Variants in ACBD6 observed in about 807,000 individuals in gnomAD.
ACBD6 encodes the protein acyl-CoA-binding domain-containing protein 6.
A neutral mutation model predicts 37.2 loss-of-function variants in ACBD6; 28 were observed. That is an observed-to-expected ratio of 0.75 (90% confidence interval 0.56 to 1.03). The LOEUF (loss-of-function observed/expected upper bound fraction) is 1.03, where lower values mean the gene tolerates loss of function less well. Ranked by LOEUF, ACBD6 falls within the 50% of genes least tolerant of loss-of-function variation. ACBD6 has a pLI of 0.00. For synonymous variants in ACBD6, 113 were observed against 126.8 expected (o/e 0.89, Z 0.73); for missense variants, 340 against 337.4 (o/e 1.01, Z -0.06).
At chr1:180,339,674 A>G (rs1651898826) in intron 6 of ACBD6, among the ~76,000 whole-genome samples, 1 of 152,210 alleles carries the variant, frequency 6.6e-6, no homozygotes, top group Non-Finnish European at 1.5e-5. Flanking sequence ...TAAAACTTAA[A>G]GTATAATTAA....
intron 6 of ACBD6, among the ~76,000 whole-genome samples, chr1:180,353,807 C>G: frequency 2.7e-5 from 1 of 37,256 alleles, no homozygotes; most frequent in Non-Finnish European, 5.7e-5. Flanking sequence ...AAAAAAAAAG[C>G]CCAGCAAAGA....
intron 7 of ACBD6, among the ~76,000 whole-genome samples, chr1:180,306,495 T>C (rs1220090699): frequency 6.6e-6 from 1 of 152,188 alleles, no homozygotes; most frequent in African/African-American, 2.4e-5. Context: ...AAGGTAATCA[T>C]TATCCCCTTT....
chr1:180,312,859 T>C (rs1190525344), intron 7 of ACBD6, among the ~76,000 whole-genome samples: 4 of 152,214 alleles, frequency 2.6e-5, no homozygotes, highest in Admixed American at 1.3e-4. Flanking sequence ...TATTTCATCA[T>C]GAGTAAACTG....
chr1:180,467,472 A>AC (rs1553214784), intron 3 of ACBD6, among the ~76,000 whole-genome samples: 3,962 of 114,230 alleles, frequency 0.035, 381 homozygotes, highest in African/African-American at 0.065. Flanking sequence ...AAAAAAAAAA[A>AC]CAAAAACAAA....
intron 6 of ACBD6, among the ~76,000 whole-genome samples, chr1:180,386,773 ATC>A (rs1305558861): frequency 2.0e-5 from 3 of 151,848 alleles, no homozygotes; most frequent in African/African-American, 7.2e-5. Context: ...TCCTTTTTAG[ATC>A]TCTTATTCCT....
In ACBD6 at chr1:180,444,458, G is replaced by A. The variant is rs1325208807; in HGVS notation, c.385-14196C>T. Among the ~76,000 whole-genome samples, 7 of 152,170 alleles carry A rather than the reference G, an allele frequency of 4.6e-5. No homozygotes were observed. The East Asian group carries it at 1.4e-3, about 29-fold the overall frequency. On this transcript the variant is annotated intron_variant, in intron 3 of 7. Transcript: ENST00000367595. ...AATACACATGGTCACAATGTTTTGT[G>A]GGGAAATAAAAAGATTATATCTTAG... is the stretch of plus-strand genomic sequence containing the variant.
At chr1:180,451,082 A>C (rs1649684511) in intron 3 of ACBD6, among the ~76,000 whole-genome samples, 1 of 152,242 alleles carries the variant, frequency 6.6e-6, no homozygotes, top group African/African-American at 2.4e-5. Flanking sequence ...ATGAGATTAC[A>C]AGCTTACAAC....
chr1:180,356,509 G>A (rs559339145), intron 6 of ACBD6, among the ~76,000 whole-genome samples: 13 of 151,990 alleles, frequency 8.6e-5, no homozygotes, highest in African/African-American at 3.1e-4. Flanking sequence ...CGTATATACA[G>A]GAAGTTTAGA....
chr1:180,353,924 C>T (rs1373131947), intron 6 of ACBD6, among the ~76,000 whole-genome samples: 1 of 152,048 alleles, frequency 6.6e-6, no homozygotes, highest in East Asian at 1.9e-4. Flanking sequence ...TTCATCCACA[C>T]TTTTGTGAGC....
intron 6 of ACBD6, among the ~76,000 whole-genome samples, chr1:180,396,306 G>T (rs1558281591): frequency 6.6e-6 from 1 of 152,250 alleles, no homozygotes; most frequent in East Asian, 1.9e-4. Context: ...TTTATGCTAT[G>T]AGTATTTTAC....
At chr1:180,404,386 C>T (rs1571463723) in intron 5 of ACBD6, among the ~76,000 whole-genome samples, 1 of 152,120 alleles carries the variant, frequency 6.6e-6, no homozygotes. Context: ...GTCTTAAACT[C>T]CTGCGCTCAA....
intron 5 of ACBD6, among the ~76,000 whole-genome samples, chr1:180,413,042 G>A (rs924326822): frequency 3.9e-5 from 6 of 152,098 alleles, no homozygotes; most frequent in African/African-American, 7.2e-5. Flanking sequence ...CGGAAGACAC[G>A]AAAGCTATGT....
exon 11 of ACBD6, chr1:180,274,012 G>A (rs978505637): frequency 2.8e-6 from 2 of 705,098 alleles, no homozygotes; most frequent in Admixed American, 2.5e-5. Flanking sequence ...CTTGGCCTGG[G>A]TTGGCCTCTG....
chr1:180,376,236 A>C (rs1653425903), intron 6 of ACBD6, among the ~76,000 whole-genome samples: 2 of 152,214 alleles, frequency 1.3e-5, no homozygotes, highest in African/African-American at 4.8e-5. Context: ...GTGGGAATAT[A>C]AATTAGTAAA....
intron 6 of ACBD6, among the ~76,000 whole-genome samples, chr1:180,382,502 T>C (rs1653695238): frequency 6.6e-6 from 1 of 152,010 alleles, no homozygotes; most frequent in African/African-American, 2.4e-5. Context: ...AGATTGAATC[T>C]GGAAGAAAAA....
At chr1:180,428,633 CG>C (rs1648693871) in intron 4 of ACBD6, among the ~76,000 whole-genome samples, 1 of 152,088 alleles carries the variant, frequency 6.6e-6, no homozygotes, top group Admixed American at 6.6e-5. Flanking sequence ...TGATCAGTCA[CG>C]TCATCAGACA....
intron 6 of ACBD6, among the ~76,000 whole-genome samples, chr1:180,360,428 A>G (rs1652802558): frequency 6.6e-6 from 1 of 152,192 alleles, no homozygotes; most frequent in Non-Finnish European, 1.5e-5. Flanking sequence ...GCCCTTGGCC[A>G]GTGGTTCTCC....
intron 13 of ACBD6, chr1:180,272,021 AG>A: frequency 1.9e-6 from 3 of 1,608,764 alleles, no homozygotes; most frequent in Non-Finnish European, 2.5e-6. Flanking sequence ...GCAGGGCTGG[AG>A]GGGCCAGGCC....
intron 3 of ACBD6, among the ~76,000 whole-genome samples, chr1:180,450,586 G>A (rs978013445): frequency 6.6e-6 from 1 of 152,012 alleles, no homozygotes; most frequent in Non-Finnish European, 1.5e-5. Flanking sequence ...GTGAAACTCC[G>A]TCTCTACTAA....
Sources: allele counts gnomAD v4.1 joint callset (sites outside exome capture counted in the v4.1 genomes callset), GRCh38; gene constraint gnomAD v4.1.1; transcripts MANE v1.5; gene names NCBI Gene and HGNC (gene_info 2026-07-23, HGNC 2026-07-21).